Variants in WBP1L observed in about 807,000 individuals in gnomAD.
WBP1L encodes the protein WW domain binding protein 1 like, also known as WW domain binding protein 1-like.
Under a neutral mutation model 33.7 loss-of-function variants are expected in WBP1L, and 17 were observed. The observed-to-expected ratio is 0.50, with a 90% CI of 0.34 to 0.76. WBP1L has a LOEUF of 0.76. WBP1L is among the 30% of genes least tolerant of loss of function. The pLI is 0.01. For synonymous variants in WBP1L, 173 were observed against 190.8 expected, an observed-to-expected ratio of 0.91 and a Z score of 0.77; for missense variants, 389 against 469.4, an observed-to-expected ratio of 0.83 and a Z score of 1.58.
At chr10:102,776,555 C>T in intron 1 of WBP1L, 1 of 1,141,898 alleles carries the variant, frequency 8.8e-7, no homozygotes, top group South Asian at 1.3e-5. Context: ...ACAGAACTTT[C>T]CAGTCTCCCT....
In WBP1L at chr10:102,814,079, G is replaced by A. The variant is rs1843891622; in HGVS notation, c.*748G>A. Reference sequence around the variant, plus strand: ...CTCTAAAAACAAACAGCAAAAGACAGCTGAAAACAAGAACTTCACCGGTGG... The same window carrying A: ...CTCTAAAAACAAACAGCAAAAGACAACTGAAAACAAGAACTTCACCGGTGG... On this transcript the variant is annotated 3_prime_UTR_variant, in exon 4 of 4. Coordinates refer to ENST00000448841, the MANE Select transcript of WBP1L (RefSeq NM_001083913.2). 6.6e-6 allele frequency: 1 copy of A among 152,216 alleles called. No individual in the cohort carries two copies. The highest frequency in any genetic ancestry group is 1.5e-5 in the Non-Finnish European group (1 of 68,034). The allele number at this position is 152,216 out of a possible 1,614,324, so 9.4% of individuals were successfully genotyped here.
At chr10:102,760,008 C>T (rs1164886713) in intron 1 of WBP1L, among the ~76,000 whole-genome samples, 1 of 152,204 alleles carries the variant, frequency 6.6e-6, no homozygotes, top group Non-Finnish European at 1.5e-5. Flanking sequence ...TTCAATTTCT[C>T]CAACACTTGT....
At chr10:102,772,187 C>G (rs540379222) in intron 1 of WBP1L, among the ~76,000 whole-genome samples, 1 of 150,682 alleles carries the variant, frequency 6.6e-6, no homozygotes, top group Non-Finnish European at 1.5e-5. Context: ...CTTGATCTCC[C>G]GACTTCGTGA....
intron 1 of WBP1L, among the ~76,000 whole-genome samples, chr10:102,779,108 T>C (rs1222814305): frequency 6.6e-6 from 1 of 151,860 alleles, no homozygotes; most frequent in Non-Finnish European, 1.5e-5. Flanking sequence ...GATTAATGCA[T>C]TGTTCTCCTT....
At chr10:102,796,130 A>G (rs1215133593) in intron 1 of WBP1L, among the ~76,000 whole-genome samples, 1 of 143,006 alleles carries the variant, frequency 7.0e-6, no homozygotes, top group Admixed American at 6.9e-5. Context: ...AGTAGATGGT[A>G]TGAGAAATCC....
At chr10:102,760,466 T>G (rs1437499059) in intron 1 of WBP1L, among the ~76,000 whole-genome samples, 2 of 147,006 alleles carry the variant, frequency 1.4e-5, no homozygotes, top group African/African-American at 5.0e-5. Flanking sequence ...AACCTCCGCC[T>G]CCCGGGTTCA....
At chr10:102,798,621 C>T (rs1430175155) in intron 2 of WBP1L, among the ~76,000 whole-genome samples, 1 of 152,178 alleles carries the variant, frequency 6.6e-6, no homozygotes, top group East Asian at 1.9e-4. Context: ...GATGGGGTTT[C>T]ACCGTATTGG....
At chr10:102,755,059 C>T (rs543767626) in intron 1 of WBP1L, among the ~76,000 whole-genome samples, 1 of 151,958 alleles carries the variant, frequency 6.6e-6, no homozygotes, top group East Asian at 2.0e-4. Flanking sequence ...AAGCCATTCT[C>T]CTGCCTCAGC....
chr10:102,787,970 T>C (rs1028662951), intron 1 of WBP1L, among the ~76,000 whole-genome samples: 48 of 150,176 alleles, frequency 3.2e-4, no homozygotes, highest in Non-Finnish European at 6.4e-4. Context: ...TCCCAGCTAC[T>C]CGGGAGGCTG....
intron 1 of WBP1L, among the ~76,000 whole-genome samples, chr10:102,785,036 CG>C (rs1455678692): frequency 2.0e-5 from 3 of 151,912 alleles, no homozygotes; most frequent in Non-Finnish European, 2.9e-5. Flanking sequence ...CCATCATGCC[CG>C]GCTAAATTTT....
intron 1 of WBP1L, among the ~76,000 whole-genome samples, chr10:102,745,816 T>G (rs553832629): frequency 1.3e-5 from 2 of 152,362 alleles, no homozygotes; most frequent in Non-Finnish European, 2.9e-5. Flanking sequence ...CCCTTCTGTT[T>G]TAGCCTTTGT....
At position 102,812,829 on chromosome 10, in the gene WBP1L, A is replaced by T; in HGVS notation, c.590A>T (p.Asp197Val). The change falls in exon 4 of 4, where the codon GAC becomes GTC. Residue 197 changes from aspartate (D) to valine (V), a missense_variant. Asp to Val is a radical substitution (Grantham distance 152, BLOSUM62 -3). Transcript: ENST00000448841. ...AGCACAAGACCCCCAAGCATCGCTGACCCTGATCCCTCTGACCTACCAGTT... is the reference window on the plus strand; with the variant it reads ...AGCACAAGACCCCCAAGCATCGCTGTCCCTGATCCCTCTGACCTACCAGTT... ...RSSTRPPSIADPDPSDLPVDR... is the reference protein window; with the variant it reads ...RSSTRPPSIAVPDPSDLPVDR... 6.3e-7 allele frequency: 1 copy of T among 1,589,958 alleles called. No homozygotes were observed. Among genetic ancestry groups the T allele is most frequent in the Non-Finnish European group, 8.6e-7 (1 of 1,167,080 alleles).
At chr10:102,800,938 A>C (rs752782644) in intron 2 of WBP1L, among the ~76,000 whole-genome samples, 4 of 152,112 alleles carry the variant, frequency 2.6e-5, no homozygotes, top group Non-Finnish European at 5.9e-5. Context: ...CAACTCCTTA[A>C]CTATAGTTGC....
chr10:102,788,285 A>G (rs1036985081), intron 1 of WBP1L, among the ~76,000 whole-genome samples: 1 of 150,944 alleles, frequency 6.6e-6, no homozygotes, highest in Non-Finnish European at 1.5e-5. Context: ...AATTTTTTGC[A>G]TTTTTTAGTA....
chr10:102,782,772 G>A (rs2134047093), intron 1 of WBP1L, among the ~76,000 whole-genome samples: 1 of 152,256 alleles, frequency 6.6e-6, no homozygotes, highest in South Asian at 2.1e-4. Context: ...GAGGGGCAGT[G>A]CAGGGAAGGA....
chr10:102,793,303 G>A (rs900175018), intron 1 of WBP1L, among the ~76,000 whole-genome samples: 1 of 152,160 alleles, frequency 6.6e-6, no homozygotes, highest in Non-Finnish European at 1.5e-5. Flanking sequence ...AAAAAAGCCA[G>A]ATATGGTGGC....
intron 1 of WBP1L, among the ~76,000 whole-genome samples, chr10:102,792,913 G>A (rs916796602): frequency 6.6e-6 from 1 of 151,992 alleles, no homozygotes; most frequent in Admixed American, 6.6e-5. Flanking sequence ...CTTTTTAACC[G>A]TACTGTCAAT....
intron 1 of WBP1L, among the ~76,000 whole-genome samples, chr10:102,784,643 T>C (rs1017535786): frequency 5.9e-5 from 9 of 152,044 alleles, no homozygotes; most frequent in Admixed American, 1.3e-4. Context: ...GCCAGGATGG[T>C]CTCGACCTCC....
rs139516540 is a variant in WBP1L, at chr10:102,766,333, C to T, written c.90+22190C>T. Among the ~76,000 whole-genome samples the T allele has an allele frequency of 4.0e-5, 6 of 148,224 alleles. No individual in the cohort carries two copies. In the East Asian group the frequency reaches 1.2e-3, roughly 30 times the overall value. ...GCGCATGCCTGTAATCTCAGCTACT[C>T]AGGAAGCTGAGGTAGGAGAATTTCT... On this transcript the variant is annotated intron_variant, in intron 1 of 3. Transcript: ENST00000448841.
Sources: gnomAD v4.1 joint callset for allele counts (sites outside exome capture counted in the v4.1 genomes callset) on GRCh38, gnomAD v4.1.1 for gene constraint, MANE v1.5 for transcripts, NCBI Gene and HGNC (gene_info 2026-07-23, HGNC 2026-07-21) for gene names.